Variants in COX7B2 observed in about 807,000 individuals in gnomAD.
COX7B2 encodes the protein cytochrome c oxidase subunit 7B2, mitochondrial.
For missense variants in COX7B2, 109 were observed against 95.9 expected, an observed-to-expected ratio of 1.14 and a Z score of -0.57; for synonymous variants, 37 against 32.1, an observed-to-expected ratio of 1.15 and a Z score of -0.51.
chr4:46,863,501 C>T (rs182027729), intron 1 of COX7B2, among the ~76,000 whole-genome samples: 1 of 152,216 alleles, frequency 6.6e-6, no homozygotes, highest in East Asian at 1.9e-4. Context: ...AATAGTCGCC[C>T]ATGTTAAAGC....
intron 1 of COX7B2, among the ~76,000 whole-genome samples, chr4:46,845,686 A>C (rs1049398871): frequency 2.0e-5 from 3 of 152,010 alleles, no homozygotes; most frequent in South Asian, 2.1e-4. Context: ...AAAGAAAAAC[A>C]GTCCACAGAA....
intron 2 of COX7B2, among the ~76,000 whole-genome samples, chr4:46,788,645 T>C (rs1183719219): frequency 2.0e-5 from 3 of 152,194 alleles, no homozygotes; most frequent in Non-Finnish European, 4.4e-5. Context: ...GATGTATATC[T>C]CCACATATAG....
chr4:46,776,601 C>G (rs1289164150), intron 2 of COX7B2, among the ~76,000 whole-genome samples: 1 of 152,086 alleles, frequency 6.6e-6, no homozygotes, highest in African/African-American at 2.4e-5. Flanking sequence ...AAATATCAGT[C>G]TCTCCTGGGT....
At chr4:46,831,626 T>C (rs1007560151) in intron 2 of COX7B2, among the ~76,000 whole-genome samples, 1 of 152,064 alleles carries the variant, frequency 6.6e-6, no homozygotes, top group Non-Finnish European at 1.5e-5. Flanking sequence ...GCATCCTGTC[T>C]ATTTCAGGGT....
rs539158431 is a variant in COX7B2 at position 46,820,580 on chromosome 4, C to A, written c.-50+24380G>T. 8.5e-5 allele frequency among the ~76,000 whole-genome samples: 13 copies of A among 152,188 alleles called. No individual in the cohort carries two copies. In the South Asian group the frequency reaches 2.5e-3, roughly 29 times the overall value. On this transcript the variant is annotated intron_variant, in intron 2 of 2. Transcript: ENST00000355591. ...CAGTGGCTAACGCCTGTAATCCCAGCGCTTTGGGAGGCCAAGGTGGGCAGA... is the reference window on the plus strand; with the variant it reads ...CAGTGGCTAACGCCTGTAATCCCAGAGCTTTGGGAGGCCAAGGTGGGCAGA...
chr4:46,848,290 T>C (rs1716425230), intron 1 of COX7B2, among the ~76,000 whole-genome samples: 1 of 152,058 alleles, frequency 6.6e-6, no homozygotes, highest in South Asian at 2.1e-4. Context: ...TTTTTAAACT[T>C]TTCATTGTTA....
In COX7B2 at chr4:46,735,118, A is replaced by G; in HGVS notation, c.75T>C (p.His25=). ...IQSILQSMAR[H]SHVKHSPDFH... ...AATCTGGTGAGTGTTTTACATGGCT[A>G]TGTCTTGCCATGCTTTGCAGAATGC... is the stretch of plus-strand genomic sequence containing the variant. Residue 25 remains histidine (H), a synonymous_variant, in exon 3 of 3, where the codon CAT becomes CAC. Transcript: ENST00000355591. The G allele has an allele frequency of 6.2e-7, 1 of 1,613,890 alleles. No homozygotes were observed. Among genetic ancestry groups the G allele is most frequent in the Non-Finnish European group, 8.5e-7 (1 of 1,179,906 alleles).
intron 2 of COX7B2, among the ~76,000 whole-genome samples, chr4:46,767,139 A>G (rs1716589580): frequency 6.6e-6 from 1 of 152,252 alleles, no homozygotes; most frequent in Non-Finnish European, 1.5e-5. Flanking sequence ...TTCAAGGCAC[A>G]TGAAGGCTGA....
chr4:46,768,036 C>G (rs1470303788), intron 2 of COX7B2, among the ~76,000 whole-genome samples: 1 of 152,234 alleles, frequency 6.6e-6, no homozygotes, highest in African/African-American at 2.4e-5. Flanking sequence ...AGCGGTTGCC[C>G]GCAACCTCTG....
At chr4:46,856,101 G>A (rs191986723) in intron 1 of COX7B2, among the ~76,000 whole-genome samples, 74 of 151,956 alleles carry the variant, frequency 4.9e-4, no homozygotes, top group African/African-American at 1.5e-3. Flanking sequence ...AAAATTAGCC[G>A]GTCATGGTGG....
At chr4:46,776,209 T>G (rs533668334) in intron 2 of COX7B2, among the ~76,000 whole-genome samples, 1 of 152,194 alleles carries the variant, frequency 6.6e-6, no homozygotes, top group African/African-American at 2.4e-5. Context: ...AGTGGGGGTC[T>G]GCCCTAAAAA....
intron 2 of COX7B2, among the ~76,000 whole-genome samples, chr4:46,803,743 T>C (rs1440070200): frequency 3.3e-5 from 5 of 151,558 alleles, no homozygotes; most frequent in African/African-American, 9.7e-5. Context: ...TTTTTTTTTT[T>C]TTTTTTTTTA....
intron 1 of COX7B2, among the ~76,000 whole-genome samples, chr4:46,866,937 C>T (rs1577674958): frequency 6.6e-6 from 1 of 152,168 alleles, no homozygotes; most frequent in African/African-American, 2.4e-5. Context: ...AGGGTACTGA[C>T]TCCACCTATA....
rs532226021 is a variant in COX7B2 at position 46,751,649 on chromosome 4, A to C, written c.-49-16408T>G. ...ATGAGATAAACTGTATAAAATATAC[A>C]GTGATATAAAAATGAGAATACTAGG... On this transcript the variant is annotated intron_variant, in intron 2 of 2. Coordinates refer to ENST00000355591, the MANE Select transcript of COX7B2 (RefSeq NM_130902.3). Among the ~76,000 whole-genome samples, 108 of 152,212 alleles carry C rather than the reference A, an allele frequency of 7.1e-4. 1 individual carries two copies. The highest frequency in any genetic ancestry group is 2.4e-3 in the African/African-American group (101 of 41,472).
chr4:46,888,108 T>C (rs1719191322), intron 1 of COX7B2, among the ~76,000 whole-genome samples: 1 of 152,190 alleles, frequency 6.6e-6, no homozygotes, highest in Non-Finnish European at 1.5e-5. Flanking sequence ...TCGCATGGTG[T>C]GTACTGTGCA....
At chr4:46,766,795 A>G (rs1716569799) in intron 2 of COX7B2, among the ~76,000 whole-genome samples, 1 of 152,042 alleles carries the variant, frequency 6.6e-6, no homozygotes. Flanking sequence ...TAAACTGACC[A>G]TTACAATTAT....
intron 2 of COX7B2, among the ~76,000 whole-genome samples, chr4:46,769,138 AT>A (rs900781139): frequency 7.9e-5 from 12 of 151,924 alleles, no homozygotes; most frequent in Non-Finnish European, 1.5e-4. Context: ...TAATAATAAA[AT>A]TTTTTTAAAA....
chr4:46,752,687 T>C (rs904609461), intron 2 of COX7B2, among the ~76,000 whole-genome samples: 8 of 152,198 alleles, frequency 5.3e-5, no homozygotes, highest in African/African-American at 1.9e-4. Context: ...CATGTGGTTT[T>C]TGTCGTTGGT....
chr4:46,818,415 T>C (rs60099628), intron 2 of COX7B2, among the ~76,000 whole-genome samples: 4,953 of 152,004 alleles, frequency 0.033, 211 homozygotes, highest in African/African-American at 0.099. Context: ...GGGTGGATCA[T>C]GAGGTCAGGA....
Sources: allele counts gnomAD v4.1 joint callset (sites outside exome capture counted in the v4.1 genomes callset), GRCh38; gene constraint gnomAD v4.1.1; transcripts MANE v1.5; gene names NCBI Gene and HGNC (gene_info 2026-07-23, HGNC 2026-07-21).